Variants in MAGI2 observed in about 807,000 individuals in gnomAD.
MAGI2 encodes the protein membrane associated guanylate kinase, WW and PDZ domain containing 2.
A neutral mutation model predicts 133.3 loss-of-function variants in MAGI2; 35 were observed. The ratio of observed to expected loss-of-function variants is 0.26; its 90% CI spans 0.20 to 0.35. The LOEUF is 0.35. MAGI2 is among the 10% of genes least tolerant of loss of function. The pLI is 1.00. For missense variants in MAGI2, 1,636 were observed against 1,863.4 expected, an observed-to-expected ratio of 0.88 and a Z score of 2.25; for synonymous variants, 729 against 710.6, an observed-to-expected ratio of 1.03 and a Z score of -0.41.
intron 2 of MAGI2, among the ~76,000 whole-genome samples, chr7:78,802,366 A>G (rs1226027570): frequency 6.6e-6 from 1 of 152,188 alleles, no homozygotes; most frequent in African/African-American, 2.4e-5. Context: ...TTTTATGTGC[A>G]AAGTTTAAGG....
At chr7:78,740,640 C>A (rs1226113604) in intron 2 of MAGI2, among the ~76,000 whole-genome samples, 2 of 152,132 alleles carry the variant, frequency 1.3e-5, no homozygotes, top group African/African-American at 4.8e-5. Context: ...AAATTCAGTT[C>A]AGTTTTTAGC....
intron 3 of MAGI2, among the ~76,000 whole-genome samples, chr7:78,539,988 G>A (rs1798273539): frequency 6.6e-6 from 1 of 152,204 alleles, no homozygotes; most frequent in South Asian, 2.1e-4. Flanking sequence ...TCTTTTATGA[G>A]TTGCTGTAAT....
chr7:78,765,970 T>C (rs1190959327), intron 2 of MAGI2, among the ~76,000 whole-genome samples: 2 of 152,186 alleles, frequency 1.3e-5, no homozygotes, highest in Non-Finnish European at 2.9e-5. Context: ...GAAGGAAATA[T>C]GATGCTTTCT....
chr7:78,955,431 T>C (rs185823646), intron 2 of MAGI2, among the ~76,000 whole-genome samples: 2 of 152,252 alleles, frequency 1.3e-5, no homozygotes, highest in East Asian at 3.9e-4. Flanking sequence ...ATTTGCATAT[T>C]AAAAATTAGC....
rs574271265 is a variant in MAGI2, at chr7:79,115,151, G to A, written c.302-107945C>T. Among the ~76,000 whole-genome samples, 31 of 152,252 alleles carry A rather than the reference G, an allele frequency of 2.0e-4. No homozygotes were observed. In the South Asian group the frequency reaches 4.8e-3, roughly 23 times the overall value. On this transcript the variant is annotated intron_variant, in intron 1 of 21. Transcript: ENST00000354212. ...TTGCATCTGCTCCTGAAATGTTCAT[G>A]ACCTTTGCAATAGAATTCCTGGGCC...
intron 14 of MAGI2, among the ~76,000 whole-genome samples, chr7:78,173,701 G>A (rs994952905): frequency 3.3e-5 from 5 of 152,080 alleles, no homozygotes; most frequent in Admixed American, 2.6e-4. Context: ...AGGCTCAATT[G>A]GCATAAAATA....
At chr7:78,582,535 T>C (rs943712650) in intron 3 of MAGI2, among the ~76,000 whole-genome samples, 12 of 152,208 alleles carry the variant, frequency 7.9e-5, no homozygotes, top group African/African-American at 2.9e-4. Context: ...CCCTTTTCCC[T>C]GACAGCCAAA....
chr7:79,282,057 T>G (rs1449654467), intron 1 of MAGI2, among the ~76,000 whole-genome samples: 1 of 152,180 alleles, frequency 6.6e-6, no homozygotes, highest in Non-Finnish European at 1.5e-5. Context: ...AAGGGATCAA[T>G]GAAAAGATCT....
intron 6 of MAGI2, among the ~76,000 whole-genome samples, chr7:78,392,433 A>T (rs1281709921): frequency 1.3e-5 from 2 of 152,164 alleles, no homozygotes; most frequent in African/African-American, 2.4e-5. Flanking sequence ...AAATTTTAAG[A>T]TAACTATCCT....
chr7:78,057,491 AAAGTTC>A lies in MAGI2; in HGVS notation c.3706+21450_3706+21455del, dbSNP rs561393304. ...ATTCCTGACCTCAGGTGATCCACCCAAAGTTCTGGGATTACAGGCGTGTGTGTTTGT... is the reference window on the plus strand; with the variant it reads ...ATTCCTGACCTCAGGTGATCCACCCATGGGATTACAGGCGTGTGTGTTTGT... On this transcript the variant is annotated intron_variant, in intron 21 of 21. Coordinates refer to ENST00000354212, the MANE Select transcript of MAGI2 (RefSeq NM_012301.4). Among the ~76,000 whole-genome samples the A allele has an allele frequency of 2.3e-4, 35 of 152,258 alleles. No homozygotes were observed. The South Asian group carries it at 7.1e-3, about 31-fold the overall frequency.
chr7:79,112,390 TC>T (rs1364985205), intron 1 of MAGI2, among the ~76,000 whole-genome samples: 2 of 152,176 alleles, frequency 1.3e-5, no homozygotes, highest in East Asian at 3.9e-4. Flanking sequence ...CTAAATTGGC[TC>T]CCTCTTTCTT....
At chr7:79,400,751 T>C (rs1845411703) in intron 1 of MAGI2, among the ~76,000 whole-genome samples, 1 of 152,172 alleles carries the variant, frequency 6.6e-6, no homozygotes, top group Non-Finnish European at 1.5e-5. Context: ...GTACATACTA[T>C]AATTATATGG....
chr7:79,327,166 T>A (rs1839756665), intron 1 of MAGI2, among the ~76,000 whole-genome samples: 1 of 152,224 alleles, frequency 6.6e-6, no homozygotes, highest in Non-Finnish European at 1.5e-5. Context: ...AAGGCCTCAA[T>A]TTTTGGTCTG....
intron 3 of MAGI2, among the ~76,000 whole-genome samples, chr7:78,526,321 A>AT (rs1563123983): frequency 1.3e-5 from 2 of 152,094 alleles, no homozygotes; most frequent in East Asian, 1.9e-4. Flanking sequence ...CATTTTAGGA[A>AT]TTTTTTTCCA....
intron 2 of MAGI2, among the ~76,000 whole-genome samples, chr7:78,855,328 A>G (rs918530177): frequency 1.3e-5 from 2 of 152,118 alleles, no homozygotes; most frequent in African/African-American, 2.4e-5. Flanking sequence ...ATATGTAGAC[A>G]TGTGCCATGT....
intron 1 of MAGI2, among the ~76,000 whole-genome samples, chr7:79,112,773 T>C (rs944256348): frequency 1.3e-5 from 2 of 152,326 alleles, no homozygotes; most frequent in African/African-American, 2.4e-5. Context: ...TAGTGCAGGA[T>C]TACAAAAATG....
chr7:78,120,045 A>AT (rs1820277983), intron 20 of MAGI2, among the ~76,000 whole-genome samples: 1 of 152,198 alleles, frequency 6.6e-6, no homozygotes, highest in Non-Finnish European at 1.5e-5. Context: ...AAAGATGTAA[A>AT]TTTTTCCATA....
At chr7:78,911,929 T>C (rs1228284359) in intron 2 of MAGI2, among the ~76,000 whole-genome samples, 2 of 152,062 alleles carry the variant, frequency 1.3e-5, no homozygotes, top group Non-Finnish European at 2.9e-5. Context: ...GGGAATACTA[T>C]GAGGCCATAA....
intron 1 of MAGI2, among the ~76,000 whole-genome samples, chr7:79,375,822 G>C (rs1211826529): frequency 6.6e-6 from 1 of 151,932 alleles, no homozygotes; most frequent in African/African-American, 2.4e-5. Context: ...CATATAAGCA[G>C]ATAGGCTTGA....
Sources: allele counts gnomAD v4.1 joint callset (sites outside exome capture counted in the v4.1 genomes callset), GRCh38; gene constraint gnomAD v4.1.1; transcripts MANE v1.5; gene names NCBI Gene and HGNC (gene_info 2026-07-23, HGNC 2026-07-21).